The following SORT1 variants were observed in gnomAD, a reference collection of about 807,000 sequenced individuals.
The protein encoded by SORT1 is sortilin 1.
A neutral mutation model predicts 101.7 loss-of-function variants in SORT1; 39 were observed. The observed-to-expected ratio is 0.38, with a 90% CI of 0.30 to 0.50. The LOEUF (loss-of-function observed/expected upper bound fraction) is 0.50, where lower values mean the gene tolerates loss of function less well. Among genes scored for constraint, SORT1 ranks in the 20% least tolerant of loss-of-function variants. The pLI is 0.90. For missense variants in SORT1, 878 were observed against 1,040.4 expected (o/e 0.84, Z 2.15); for synonymous variants, 396 against 393.7 (o/e 1.01, Z -0.07).
intron 15 of SORT1, among the ~76,000 whole-genome samples, chr1:109,318,764 C>T (rs1013507561): frequency 7.9e-5 from 12 of 152,088 alleles, no homozygotes; most frequent in East Asian, 1.9e-4. Context: ...GTGATCTTTC[C>T]GCTTCAGCCT....
rs144040808 is a variant in SORT1, at chr1:109,378,131, G to C, written c.307-8542C>G. On this transcript the variant is annotated intron_variant, in intron 1 of 19. Coordinates refer to ENST00000256637, the MANE Select transcript of SORT1 (RefSeq NM_002959.7). ...ACACACCTGTAGTTCTAGCTACTCA[G>C]GAAGCTGAGGTAGGAGGATCACTTG... Among the ~76,000 whole-genome samples the C allele has an allele frequency of 2.0e-5, 3 of 152,166 alleles. No individual in the cohort carries two copies. In the East Asian group the frequency reaches 5.8e-4, roughly 29 times the overall value.
chr1:109,320,514 G>A (rs906192140), intron 15 of SORT1, among the ~76,000 whole-genome samples: 1 of 152,020 alleles, frequency 6.6e-6, no homozygotes, highest in Admixed American at 6.6e-5. Context: ...CATGCTGTTG[G>A]TGTCTCTGCT....
At chr1:109,391,901 A>AT (rs1652937370) in intron 1 of SORT1, among the ~76,000 whole-genome samples, 1 of 152,236 alleles carries the variant, frequency 6.6e-6, no homozygotes, top group African/African-American at 2.4e-5. Flanking sequence ...AAAAGATGCA[A>AT]TAAAAACACT....
chr1:109,386,577 G>T lies in SORT1; in HGVS notation c.306+11010C>A, dbSNP rs374697555. On this transcript the variant is annotated intron_variant, in intron 1 of 19. Transcript: ENST00000256637. Reference sequence around the variant, plus strand: ...TTAAATAAATATGCACATAGGCCAGGTGTGGTGGCTCACACCTATACTCCT... The same window carrying T: ...TTAAATAAATATGCACATAGGCCAGTTGTGGTGGCTCACACCTATACTCCT... Among the ~76,000 whole-genome samples, 4 of 152,310 alleles carry T rather than the reference G, an allele frequency of 2.6e-5. No homozygotes were observed. The East Asian group carries it at 7.7e-4, about 29-fold the overall frequency.
intron 3 of SORT1, among the ~76,000 whole-genome samples, chr1:109,357,062 T>G (rs940757216): frequency 3.9e-5 from 6 of 152,350 alleles, no homozygotes; most frequent in Admixed American, 6.5e-5. Context: ...TGAGTCCAGA[T>G]TATGAAACCA....
At chr1:109,322,126 C>T (rs1011773421) in intron 15 of SORT1, among the ~76,000 whole-genome samples, 16 of 151,032 alleles carry the variant, frequency 1.1e-4, no homozygotes, top group Non-Finnish European at 1.9e-4. Flanking sequence ...TTGTTTGAGA[C>T]AGGGTCTCAT....
Position 109,314,664 on chromosome 1 carries a change from T to C in SORT1, c.2357+8A>G, listed in dbSNP as rs1467497404. On this transcript the variant is annotated splice_region_variant and intron_variant, in intron 18 of 19. Transcript: ENST00000256637. ...TCAGTACCTTGGATTGACTTCTGTGTTCCTTACCTTCCCCCACAGACATAT... is the reference window on the plus strand; with the variant it reads ...TCAGTACCTTGGATTGACTTCTGTGCTCCTTACCTTCCCCCACAGACATAT... 1.3e-6 allele frequency: 2 copies of C among 1,550,596 alleles called. No individual in the cohort carries two copies. The highest frequency in any genetic ancestry group is 1.8e-6 in the Non-Finnish European group (2 of 1,122,248).
intron 1 of SORT1, among the ~76,000 whole-genome samples, chr1:109,388,709 A>G (rs1020083581): frequency 6.6e-6 from 1 of 152,186 alleles, no homozygotes; most frequent in African/African-American, 2.4e-5. Context: ...ATCCTCAACA[A>G]AAGAATATAC....
intron 1 of SORT1, among the ~76,000 whole-genome samples, chr1:109,388,249 T>A (rs1652701999): frequency 6.6e-6 from 1 of 152,076 alleles, no homozygotes; most frequent in Non-Finnish European, 1.5e-5. Context: ...TTTTTTTGTA[T>A]TTTTGGAAGA....
intron 1 of SORT1, among the ~76,000 whole-genome samples, chr1:109,384,939 G>A (rs916123046): frequency 8.5e-5 from 13 of 152,092 alleles, no homozygotes; most frequent in Non-Finnish European, 1.8e-4. Context: ...TTAGCCAGGT[G>A]TGGTGGCGTA....
intron 2 of SORT1, 113 bp downstream of exon 2, chr1:109,369,417 G>T: frequency 1.4e-6 from 1 of 715,930 alleles, no homozygotes; most frequent in South Asian, 1.6e-5. Flanking sequence ...TGTTTTCTGT[G>T]ATTGAGGCTA....
intron 12 of SORT1, 121 bp from the exon 13 acceptor site, chr1:109,327,281 A>C: frequency 1.0e-6 from 1 of 998,466 alleles, no homozygotes; most frequent in Non-Finnish European, 1.4e-6. Context: ...CTCTTTTAGT[A>C]GGAAAGAAAA....
intron 1 of SORT1, among the ~76,000 whole-genome samples, chr1:109,382,937 C>T (rs999769542): frequency 3.3e-5 from 5 of 152,098 alleles, no homozygotes; most frequent in East Asian, 1.9e-4. Context: ...TTCATTTCTA[C>T]GATCGTCTGA....
chr1:109,355,337 A>T (rs749491827), intron 4 of SORT1, 30 bp downstream of exon 4: 1 of 1,104,062 alleles, frequency 9.1e-7, no homozygotes, highest in Non-Finnish European at 1.4e-6. Context: ...TATCAAGCAC[A>T]AGCTTTATGT....
At chr1:109,333,006 C>T (rs1414248755) in intron 11 of SORT1, among the ~76,000 whole-genome samples, 1 of 152,190 alleles carries the variant, frequency 6.6e-6, no homozygotes, top group African/African-American at 2.4e-5. Flanking sequence ...CGGCTCACTG[C>T]AACCTCCGCC....
intron 11 of SORT1, among the ~76,000 whole-genome samples, chr1:109,330,218 C>A (rs1648369304): frequency 6.6e-6 from 1 of 152,052 alleles, no homozygotes; most frequent in Admixed American, 6.5e-5. Context: ...TGGTCTTGAA[C>A]TCCTGACCTC....
Position 109,324,957 on chromosome 1 carries a change from G to C in SORT1, c.1776C>G (p.Phe592Leu). The C allele has an allele frequency of 1.2e-6, 2 of 1,613,814 alleles. No homozygotes were observed. Among genetic ancestry groups the C allele is most frequent in the Non-Finnish European group, 1.7e-6 (2 of 1,179,732 alleles). The change falls in exon 14 of 20, where the codon TTC (phenylalanine) becomes TTG (leucine). Residue 592 changes from phenylalanine to leucine, a missense_variant. Physicochemically the swap from Phe to Leu is conservative, Grantham distance 22 (BLOSUM62 0). Coordinates refer to ENST00000256637, the MANE Select transcript of SORT1 (RefSeq NM_002959.7). ...TGTAGGAGACCCACTGGCTGGTCAGGAAAGATTCTGTGAAGCCCCAAATGC... is the reference window on the plus strand; with the variant it reads ...TGTAGGAGACCCACTGGCTGGTCAGCAAAGATTCTGTGAAGCCCCAAATGC... The part of the protein sequence containing the change: ...NISIWGFTES[F>L]LTSQWVSYTI...
Position 109,326,995 on chromosome 1 carries a change from A to G in SORT1, c.1640T>C (p.Ile547Thr). 1 of 1,610,716 alleles carries G rather than the reference A, an allele frequency of 6.2e-7. No homozygotes were observed. Among genetic ancestry groups the G allele is most frequent in the Non-Finnish European group, 8.5e-7 (1 of 1,178,960 alleles). The change falls in exon 13 of 20, where the codon ATT (isoleucine) becomes ACT (threonine). Residue 547 changes from isoleucine (I) to threonine (T), a missense_variant. Ile to Thr is a moderately conservative substitution (Grantham distance 89). Transcript: ENST00000256637. The part of the protein sequence containing the change: ...IEHSSRPINV[I>T]KFSTDEGQCW... ...TGTGAGATGAGTTCATGCATACTTA[A>G]TCACATTGATAGGACGGCTGCTGTG...
At chr1:109,388,979 C>T (rs1652742919) in intron 1 of SORT1, among the ~76,000 whole-genome samples, 1 of 152,306 alleles carries the variant, frequency 6.6e-6, no homozygotes, top group East Asian at 1.9e-4. Context: ...ACATTTCTGC[C>T]AATCTTGACT....
Sources: allele counts gnomAD v4.1 joint callset (sites outside exome capture counted in the v4.1 genomes callset), GRCh38; gene constraint gnomAD v4.1.1; transcripts MANE v1.5; gene names NCBI Gene and HGNC (gene_info 2026-07-23, HGNC 2026-07-21).